PSD3: variants seen among roughly 807,000 people sequenced by gnomAD.
PSD3 encodes PH and SEC7 domain-containing protein 3.
Under a neutral mutation model 105.5 loss-of-function variants are expected in PSD3, and 49 were observed. That is an observed-to-expected ratio of 0.46 (90% CI 0.37 to 0.59). The LOEUF is 0.59. Among genes scored for constraint, PSD3 ranks in the 20% least tolerant of loss-of-function variants. The pLI, the probability that PSD3 is intolerant of heterozygous loss-of-function variation, is 0.00. For missense variants in PSD3, 1,561 were observed against 1,263.8 expected (o/e 1.24, Z -3.57); for synonymous variants, 557 against 457.8 (o/e 1.22, Z -2.77).
intron 8 of PSD3, among the ~76,000 whole-genome samples, chr8:18,788,812 T>C (rs754566609): frequency 6.6e-5 from 10 of 152,258 alleles, no homozygotes; most frequent in Non-Finnish European, 1.2e-4. Context: ...ACTTCAGTTA[T>C]GTGGCTCTGC....
intron 1 of PSD3, among the ~76,000 whole-genome samples, chr8:18,954,841 A>C (rs1219147056): frequency 6.6e-6 from 1 of 152,214 alleles, no homozygotes; most frequent in Non-Finnish European, 1.5e-5. Flanking sequence ...ACTGAGAAAC[A>C]CTGCTCTAAT....
At chr8:18,858,110 A>G (rs1816166826) in intron 4 of PSD3, among the ~76,000 whole-genome samples, 1 of 152,212 alleles carries the variant, frequency 6.6e-6, no homozygotes, top group Non-Finnish European at 1.5e-5. Context: ...AATTCAATAG[A>G]CAGACATACC....
At chr8:18,538,811 T>C (rs1174640012) in intron 15 of PSD3, among the ~76,000 whole-genome samples, 2 of 152,180 alleles carry the variant, frequency 1.3e-5, no homozygotes, top group Non-Finnish European at 2.9e-5. Context: ...GCTATTGTCT[T>C]AAATAAATTA....
intron 1 of PSD3, among the ~76,000 whole-genome samples, chr8:18,960,182 T>C (rs577896350): frequency 3.0e-4 from 45 of 152,362 alleles, no homozygotes; most frequent in Non-Finnish European, 4.6e-4. Flanking sequence ...TGAATTCTCA[T>C]CATTTAGATG....
chr8:18,938,567 G>A (rs1822308999), intron 1 of PSD3, among the ~76,000 whole-genome samples: 1 of 145,158 alleles, frequency 6.9e-6, no homozygotes, highest in South Asian at 2.2e-4. Flanking sequence ...AGGTTGCAGT[G>A]AACCGCGATG....
At chr8:18,789,933 T>C (rs1302897150) in intron 8 of PSD3, among the ~76,000 whole-genome samples, 2 of 152,206 alleles carry the variant, frequency 1.3e-5, no homozygotes, top group Admixed American at 6.5e-5. Context: ...ATAAGAAGAC[T>C]GAATAATGTG....
intron 2 of PSD3, among the ~76,000 whole-genome samples, chr8:18,915,947 T>C (rs1001662314): frequency 2.6e-5 from 4 of 151,554 alleles, no homozygotes; most frequent in Non-Finnish European, 5.9e-5. Context: ...AGTACAAAAT[T>C]AGCCAGGCAT....
intron 9 of PSD3, among the ~76,000 whole-genome samples, chr8:18,730,984 TC>T (rs1190814995): frequency 6.6e-6 from 1 of 152,184 alleles, no homozygotes; most frequent in Non-Finnish European, 1.5e-5. Context: ...ATAATTTCTT[TC>T]TAAAAGTCAT....
At chr8:18,908,249 C>G (rs538968508) in intron 2 of PSD3, among the ~76,000 whole-genome samples, 13 of 152,084 alleles carry the variant, frequency 8.5e-5, no homozygotes, top group Non-Finnish European at 1.5e-4. Context: ...AGGGCAGTCA[C>G]CCAAATTAAG....
Position 18,535,912 on chromosome 8 carries a change from T to C in PSD3, c.2975A>G (p.Lys992Arg), listed in dbSNP as rs772314392. Residue 992 changes from lysine (K) to arginine (R), a missense_variant, in exon 16 of 16, where the codon AAA becomes AGA. Physicochemically the swap from Lys to Arg is conservative, Grantham distance 26. Transcript: ENST00000327040. ...MYVSILKEGG[K>R]ELLSNDESEA... is the part of the protein sequence containing the mutation. ...GCTTTCATCGTTACTCAGTAGCTCT[T>C]TGCCTCCTTCCTTGAGAATGCTGAC... 1.9e-6 allele frequency: 3 copies of C among 1,614,212 alleles called. No individual in the cohort carries two copies. Among genetic ancestry groups the C allele is most frequent in the Admixed American group, 3.3e-5 (2 of 60,028 alleles).
At chr8:18,935,108 A>AT (rs1563437964) in intron 2 of PSD3, among the ~76,000 whole-genome samples, 1 of 152,166 alleles carries the variant, frequency 6.6e-6, no homozygotes, top group African/African-American at 2.4e-5. Flanking sequence ...GATTGTGATG[A>AT]TTAGCATAGT....
chr8:18,581,609 C>T (rs918016749), intron 12 of PSD3, among the ~76,000 whole-genome samples: 5 of 152,108 alleles, frequency 3.3e-5, no homozygotes, highest in African/African-American at 4.8e-5. Context: ...AGTGTTCACC[C>T]GAATTTATTC....
intron 1 of PSD3, among the ~76,000 whole-genome samples, chr8:18,967,342 A>G (rs1824335091): frequency 6.6e-6 from 1 of 151,850 alleles, no homozygotes; most frequent in South Asian, 2.1e-4. Flanking sequence ...TTTAGTAGAG[A>G]CGGGGCTTCT....
intron 9 of PSD3, chr8:18,762,920 A>G: frequency 7.8e-7 from 1 of 1,279,226 alleles, no homozygotes; most frequent in South Asian, 1.3e-5. Flanking sequence ...ACATGGAATA[A>G]CTGTTTATTT....
chr8:18,616,265 T>C (rs1362379606), intron 11 of PSD3, among the ~76,000 whole-genome samples: 2 of 152,248 alleles, frequency 1.3e-5, no homozygotes, highest in Non-Finnish European at 2.9e-5. Context: ...TGCGTTCAAG[T>C]GCTCTTCACT....
intron 9 of PSD3, among the ~76,000 whole-genome samples, chr8:18,677,967 G>GCT (rs1800162664): frequency 6.9e-6 from 1 of 145,738 alleles, no homozygotes; most frequent in Non-Finnish European, 1.5e-5. Flanking sequence ...CCGAGATCAG[G>GCT]CCACTGCACT....
chr8:18,590,315 G>GATT (rs1803505694), intron 12 of PSD3, among the ~76,000 whole-genome samples: 1 of 152,100 alleles, frequency 6.6e-6, no homozygotes, highest in Non-Finnish European at 1.5e-5. Context: ...ATTCAGTACT[G>GATT]CGGATAGTAA....
At chr8:18,601,087 T>A (rs1240236061) in intron 11 of PSD3, among the ~76,000 whole-genome samples, 1 of 152,168 alleles carries the variant, frequency 6.6e-6, no homozygotes, top group Non-Finnish European at 1.5e-5. Context: ...ATTCACCAAA[T>A]CGAGTATACT....
rs985640545 is a variant in PSD3 at position 18,533,714 on chromosome 8, T to A, written c.*2029A>T. ...CTCTCCCCTCGGCTTAGTATAAACATTTAGGCAGAAAACAAATATCCTGAT... is the reference window on the plus strand; with the variant it reads ...CTCTCCCCTCGGCTTAGTATAAACAATTAGGCAGAAAACAAATATCCTGAT... On this transcript the variant is annotated 3_prime_UTR_variant, in exon 16 of 16. Transcript: ENST00000327040. 1 of 152,166 alleles carries A rather than the reference T, an allele frequency of 6.6e-6. No homozygotes were observed. Among genetic ancestry groups the A allele is most frequent in the Non-Finnish European group, 1.5e-5 (1 of 68,032 alleles). 9.4% of individuals were successfully genotyped at this position (152,166 alleles called of 1,614,324 possible).
Sources: gnomAD v4.1 joint callset for allele counts (sites outside exome capture counted in the v4.1 genomes callset) on GRCh38, gnomAD v4.1.1 for gene constraint, MANE v1.5 for transcripts, NCBI Gene and HGNC (gene_info 2026-07-23, HGNC 2026-07-21) for gene names.